PPM1E: variants seen among roughly 807,000 people sequenced by gnomAD.
PPM1E encodes the protein protein phosphatase 1E.
PPM1E carries 20 observed loss-of-function variants against 65.9 expected under a neutral mutation model. That is an observed-to-expected ratio of 0.30 (90% confidence interval 0.21 to 0.44). The LOEUF (loss-of-function observed/expected upper bound fraction) is 0.44. Among genes scored for constraint, PPM1E ranks in the 20% least tolerant of loss-of-function variants. PPM1E has a pLI of 1.00. For synonymous variants in PPM1E, 352 were observed against 374.9 expected, an observed-to-expected ratio of 0.94 and a Z score of 0.70; for missense variants, 713 against 953.1, an observed-to-expected ratio of 0.75 and a Z score of 3.32.
rs71143300 is a variant in PPM1E, at chr17:58,887,162, C to CTTTT, written c.465-68470_465-68467dup. On this transcript the variant is annotated intron_variant, in intron 1 of 6. Transcript: ENST00000308249. Reference sequence around the variant, plus strand: ...CATACCTCATAAGTGAGGCCTTCTTCTTTTTTTTTTTTTTTTTTTTGAGAT... The same window carrying CTTTT: ...CATACCTCATAAGTGAGGCCTTCTTCTTTTTTTTTTTTTTTTTTTTTTTTGAGAT... 6.1e-3 allele frequency among the ~76,000 whole-genome samples: 684 copies of CTTTT among 111,600 alleles called. 3 individuals carry two copies. Among genetic ancestry groups the CTTTT allele is most frequent in the African/African-American group, 7.7e-3 (219 of 28,470 alleles). 73.2% of individuals were successfully genotyped at this position (111,600 alleles called of 152,430 possible).
chr17:58,825,017 T>C (rs1276288447), intron 1 of PPM1E, among the ~76,000 whole-genome samples: 1 of 151,692 alleles, frequency 6.6e-6, no homozygotes, highest in African/African-American at 2.4e-5. Flanking sequence ...TTTGGAAACT[T>C]GGGGGGAAGA....
At chr17:58,757,984 T>C (rs1395256219) in intron 1 of PPM1E, among the ~76,000 whole-genome samples, 1 of 152,178 alleles carries the variant, frequency 6.6e-6, no homozygotes, top group African/African-American at 2.4e-5. Flanking sequence ...TTTACAGTAT[T>C]TAAAGATAAA....
At chr17:58,921,694 A>C (rs1214824491) in intron 1 of PPM1E, among the ~76,000 whole-genome samples, 1 of 151,112 alleles carries the variant, frequency 6.6e-6, no homozygotes. Flanking sequence ...TCAGTGAATC[A>C]GTAGAAGAGA....
intron 1 of PPM1E, among the ~76,000 whole-genome samples, chr17:58,950,606 T>G (rs1313831578): frequency 6.6e-6 from 1 of 152,128 alleles, no homozygotes; most frequent in Non-Finnish European, 1.5e-5. Flanking sequence ...ATATGCTGTT[T>G]TCATTCTTTT....
chr17:58,932,722 C>T (rs1252260066), intron 1 of PPM1E, among the ~76,000 whole-genome samples: 3 of 151,576 alleles, frequency 2.0e-5, no homozygotes, highest in Non-Finnish European at 4.4e-5. Flanking sequence ...TGGCATGCCA[C>T]GATGTTGGAG....
At position 58,819,210 on chromosome 17, in the gene PPM1E, A is replaced by G. The variant is rs147781568; in HGVS notation, c.464+62749A>G. ...ACCCAGGCTGGAGTGCAGTGGTGCA[A>G]TCTCGGCTCACTGCAATCTCTGCAT... On this transcript the variant is annotated intron_variant, in intron 1 of 6. Transcript: ENST00000308249. Among the ~76,000 whole-genome samples, 55 of 152,142 alleles carry G rather than the reference A, an allele frequency of 3.6e-4. 1 individual carries two copies. The East Asian group carries it at 0.01, about 29-fold the overall frequency.
At position 58,980,378 on chromosome 17, in the gene PPM1E, G is replaced by C. The variant is rs760128692; in HGVS notation, c.1615G>C (p.Asp539His). The C allele has an allele frequency of 1.2e-6, 2 of 1,614,136 alleles. No homozygotes were observed. Among genetic ancestry groups the C allele is most frequent in the South Asian group, 1.1e-5 (1 of 91,070 alleles). Residue 539 changes from aspartate (D) to histidine (H), a missense_variant, in exon 7 of 7, where the codon GAC becomes CAC. By Grantham distance (81) the Asp-to-His change is moderately conservative. Coordinates refer to ENST00000308249, the MANE Select transcript of PPM1E (RefSeq NM_014906.5). This position sits in a 1 kb window ranked among gnomAD's most constrained non-coding sequence, Gnocchi z 4.7. The stretch of plus-strand genomic sequence containing the variant: ...TCAGCACCAGTGCTCAGCACCAGCC[G>C]ACCTAGGCTATGATGGGCGTGTGGA... ...WPQHQCSAPA[D>H]LGYDGRVDSF... is the part of the protein sequence containing the mutation.
intron 1 of PPM1E, among the ~76,000 whole-genome samples, chr17:58,879,372 T>C (rs1182530284): frequency 6.6e-6 from 1 of 151,048 alleles, no homozygotes; most frequent in Admixed American, 6.6e-5. Context: ...CAAGCAATCC[T>C]GCTACCTCAG....
chr17:58,806,003 A>C (rs1016426578), intron 1 of PPM1E, among the ~76,000 whole-genome samples: 1 of 145,048 alleles, frequency 6.9e-6, no homozygotes, highest in African/African-American at 2.6e-5. Flanking sequence ...AACAAAACAA[A>C]AAAAAAACTA....
At chr17:58,955,913 C>A in intron 2 of PPM1E, 146 bp downstream of exon 2, 1 of 807,418 alleles carries the variant, frequency 1.2e-6, no homozygotes, top group South Asian at 2.7e-5. Flanking sequence ...AAAAATGCAA[C>A]TTTTTTCAAA....
At chr17:58,890,297 G>A (rs550986023) in intron 1 of PPM1E, among the ~76,000 whole-genome samples, 2 of 152,182 alleles carry the variant, frequency 1.3e-5, no homozygotes, top group South Asian at 4.2e-4. Context: ...ACCTTCTTAT[G>A]TGTCAGAACA....
intron 1 of PPM1E, among the ~76,000 whole-genome samples, chr17:58,826,304 CAAAAA>C (rs11479413): frequency 9.0e-6 from 1 of 111,038 alleles, no homozygotes. Flanking sequence ...GACTCGATCT[CAAAAA>C]AAAAAAAAAA....
intron 1 of PPM1E, among the ~76,000 whole-genome samples, chr17:58,883,213 C>A (rs1460972895): frequency 6.6e-6 from 1 of 151,838 alleles, no homozygotes; most frequent in East Asian, 1.9e-4. Flanking sequence ...CCTGCCTTGG[C>A]CTCCCAAAGT....
At position 58,840,745 on chromosome 17, in the gene PPM1E, A is replaced by G. The variant is rs758116537; in HGVS notation, c.464+84284A>G. ...AAAATAAATGAATGAATACCATACT[A>G]TTGTATTATAACCTAAAGTATAACA... On this transcript the variant is annotated intron_variant, in intron 1 of 6. Coordinates refer to ENST00000308249, the MANE Select transcript of PPM1E (RefSeq NM_014906.5). Among the ~76,000 whole-genome samples, 67 of 152,244 alleles carry G rather than the reference A, an allele frequency of 4.4e-4. 1 individual carries two copies. The highest frequency in any genetic ancestry group is 1.3e-4 in the Admixed American group (2 of 15,286).
intron 6 of PPM1E, among the ~76,000 whole-genome samples, chr17:58,977,456 A>G (rs1034931378): frequency 1.3e-5 from 2 of 151,744 alleles, no homozygotes; most frequent in Non-Finnish European, 2.9e-5. Flanking sequence ...AAAAAAAAAA[A>G]GAAATAATGA....
intron 2 of PPM1E, among the ~76,000 whole-genome samples, chr17:58,960,652 G>T: frequency 6.6e-6 from 1 of 151,496 alleles, no homozygotes; most frequent in East Asian, 1.9e-4. Context: ...GTGGACGCCT[G>T]TAATCCCAGC....
At chr17:58,825,219 C>T (rs987015175) in intron 1 of PPM1E, among the ~76,000 whole-genome samples, 2 of 107,528 alleles carry the variant, frequency 1.9e-5, no homozygotes, top group African/African-American at 8.2e-5. Flanking sequence ...TTCTCACACA[C>T]ACACTCACAC....
intron 1 of PPM1E, among the ~76,000 whole-genome samples, chr17:58,859,215 A>C (rs2050913682): frequency 6.6e-6 from 1 of 152,200 alleles, no homozygotes; most frequent in African/African-American, 2.4e-5. Context: ...GATCAGTTCT[A>C]CATTCTGTGA....
At chr17:58,830,970 C>A (rs139566076) in intron 1 of PPM1E, among the ~76,000 whole-genome samples, 80 of 151,862 alleles carry the variant, frequency 5.3e-4, no homozygotes, top group Admixed American at 1.6e-3. Context: ...CAGGCGTGAG[C>A]CACCCTACCT....
Sources: gnomAD v4.1 joint callset for allele counts (sites outside exome capture counted in the v4.1 genomes callset) on GRCh38, gnomAD v4.1.1 for gene constraint, Gnocchi (gnomAD v3.1) non-coding constraint, MANE v1.5 for transcripts, NCBI Gene and HGNC (gene_info 2026-07-23, HGNC 2026-07-21) for gene names.